TMEM161B: variants seen among roughly 807,000 people sequenced by gnomAD.
The protein encoded by TMEM161B is transmembrane protein 161B.
In TMEM161B, 34 loss-of-function variants were observed where a neutral mutation model predicts 61.8. That is an observed-to-expected ratio of 0.55 (90% confidence interval 0.42 to 0.73). The LOEUF (loss-of-function observed/expected upper bound fraction) is 0.73. Ranked by LOEUF, TMEM161B falls within the 30% of genes least tolerant of loss-of-function variation. TMEM161B has a pLI of 0.00. For synonymous variants in TMEM161B, 167 were observed against 192.8 expected, an observed-to-expected ratio of 0.87 and a Z score of 1.11; for missense variants, 456 against 558.5, an observed-to-expected ratio of 0.82 and a Z score of 1.85.
At chr5:88,251,802 A>G (rs562243492) in intron 1 of TMEM161B, among the ~76,000 whole-genome samples, 184 of 152,186 alleles carry the variant, frequency 1.2e-3, no homozygotes, top group Non-Finnish European at 2.2e-3. Flanking sequence ...ACTAACAAGA[A>G]CATGCTGTCT....
intron 1 of TMEM161B, 123 bp from the exon 2 acceptor site, chr5:88,241,039 A>G: frequency 1.7e-6 from 1 of 585,722 alleles, no homozygotes; most frequent in East Asian, 3.2e-5. Flanking sequence ...ATTAAAATAC[A>G]TTACTCTCAG....
At chr5:88,240,405 T>C (rs1171011015) in intron 2 of TMEM161B, among the ~76,000 whole-genome samples, 1 of 151,770 alleles carries the variant, frequency 6.6e-6, no homozygotes, top group East Asian at 1.9e-4. Context: ...TTAAAGGTAA[T>C]TAGAAAAATA....
At chr5:88,197,971 G>A in intron 10 of TMEM161B, 2 of 411,378 alleles carry the variant, frequency 4.9e-6, no homozygotes, top group Non-Finnish European at 4.4e-6. Flanking sequence ...TAGAACGTGA[G>A]AATATTAAAA....
Position 88,200,968 on chromosome 5 carries a change from C to A in TMEM161B, c.915-1818G>T, listed in dbSNP as rs1256314828. The A allele has an allele frequency of 2.6e-5, 4 of 152,028 alleles. No individual in the cohort carries two copies. In the East Asian group the frequency reaches 7.7e-4, roughly 29 times the overall value. The allele number at this position is 152,028 out of a possible 1,614,324, so 9.4% of individuals were successfully genotyped here. ...CAATTTGTCTGTGACAGAAGAAGAA[C>A]CTGTCACTTTATTTTTCCTTCATCC... On this transcript the variant is annotated intron_variant, in intron 9 of 11. Coordinates refer to ENST00000296595, the MANE Select transcript of TMEM161B (RefSeq NM_153354.5).
At chr5:88,210,976 C>T (rs1252438948) in intron 5 of TMEM161B, among the ~76,000 whole-genome samples, 1 of 152,132 alleles carries the variant, frequency 6.6e-6, no homozygotes, top group African/African-American at 2.4e-5. Flanking sequence ...GTCTCTGTAG[C>T]ATATTCTTCT....
intron 4 of TMEM161B, chr5:88,221,484 G>C (rs1279601232): frequency 7.1e-6 from 2 of 283,656 alleles, no homozygotes; most frequent in East Asian, 1.6e-4. Context: ...GAGTGACAGA[G>C]AGAGACTCCA....
At chr5:88,263,512 A>C (rs1755956524) in intron 1 of TMEM161B, among the ~76,000 whole-genome samples, 2 of 152,232 alleles carry the variant, frequency 1.3e-5, no homozygotes, top group Admixed American at 1.3e-4. Context: ...CATGACTGTA[A>C]GGATTTCTTT....
intron 5 of TMEM161B, among the ~76,000 whole-genome samples, chr5:88,209,402 TAGTATCTTTGGCCAAA>T (rs995426212): frequency 6.6e-5 from 10 of 152,116 alleles, no homozygotes; most frequent in Non-Finnish European, 8.8e-5. Context: ...AAAAACAAAA[TAGTATCTTTGGCCAAA>T]AGTGGTACCA....
At chr5:88,262,263 C>G (rs115466785) in intron 1 of TMEM161B, among the ~76,000 whole-genome samples, 38 of 152,278 alleles carry the variant, frequency 2.5e-4, no homozygotes, top group African/African-American at 9.1e-4. Flanking sequence ...ACTGACAACA[C>G]TGAATGCTGG....
chr5:88,207,287 C>G (rs1745696960), intron 5 of TMEM161B, 107 bp from the exon 6 acceptor site: 2 of 1,084,750 alleles, frequency 1.8e-6, no homozygotes, highest in Non-Finnish European at 2.6e-6. Context: ...ACATTTATTT[C>G]CAAGTGGAGT....
intron 1 of TMEM161B, among the ~76,000 whole-genome samples, chr5:88,243,000 T>C (rs1464869042): frequency 1.3e-5 from 2 of 151,682 alleles, no homozygotes; most frequent in African/African-American, 4.8e-5. Flanking sequence ...AAAGATCAAT[T>C]GCCTAATTTA....
At chr5:88,220,835 G>C in intron 4 of TMEM161B, 116 bp from the exon 5 acceptor site, 1 of 1,278,660 alleles carries the variant, frequency 7.8e-7, no homozygotes, top group African/African-American at 1.6e-5. Flanking sequence ...GACTTTATTT[G>C]TTCATTTGCA....
At chr5:88,210,014 A>G (rs1746389835) in intron 5 of TMEM161B, among the ~76,000 whole-genome samples, 1 of 152,234 alleles carries the variant, frequency 6.6e-6, no homozygotes. Context: ...GTAATCATAT[A>G]CTATCTTAAA....
chr5:88,229,478 T>A (rs1318952847), intron 2 of TMEM161B, among the ~76,000 whole-genome samples: 1 of 100,878 alleles, frequency 9.9e-6, no homozygotes, highest in African/African-American at 4.0e-5. Flanking sequence ...TGAGCTTACC[T>A]CTAGTTATTG....
Position 88,195,333 on chromosome 5 carries a change from T to C in TMEM161B, c.*878A>G. ...TAAAATATTATAAGGATTCAATATT[T>C]TCATCTTTTATAATCTCAATATATT... On this transcript the variant is annotated 3_prime_UTR_variant, in exon 12 of 12. Coordinates refer to ENST00000296595, the MANE Select transcript of TMEM161B (RefSeq NM_153354.5). The C allele has an allele frequency of 1.2e-6, 1 of 813,532 alleles. No homozygotes were observed. The highest frequency in any genetic ancestry group is 1.5e-6 in the Non-Finnish European group (1 of 675,198). 50.4% of individuals were successfully genotyped at this position (813,532 alleles called of 1,614,324 possible). A position where few individuals can be genotyped will look rare whatever the true frequency, so the allele number is the denominator to read the frequency against.
At chr5:88,242,778 T>C (rs1472470016) in intron 1 of TMEM161B, among the ~76,000 whole-genome samples, 2 of 151,718 alleles carry the variant, frequency 1.3e-5, no homozygotes, top group Non-Finnish European at 3.0e-5. Flanking sequence ...CAATTTTTCT[T>C]ATGATGTCAA....
At chr5:88,229,905 A>G (rs1464238866) in intron 2 of TMEM161B, among the ~76,000 whole-genome samples, 2 of 151,758 alleles carry the variant, frequency 1.3e-5, no homozygotes, top group African/African-American at 4.8e-5. Context: ...TGCTGTTTTA[A>G]AAACACGGCA....
rs144993301 is a variant in TMEM161B at position 88,266,194 on chromosome 5, T to C, written c.3+2527A>G. On this transcript the variant is annotated intron_variant, in intron 1 of 11. Transcript: ENST00000296595. ...CTATTGAGTATCGGTATACATAATG[T>C]ATGAGAGAATGAGAGCACAGAATTA... 4.0e-3 allele frequency among the ~76,000 whole-genome samples: 606 copies of C among 152,300 alleles called. 4 individuals carry two copies. Among genetic ancestry groups the C allele is most frequent in the Non-Finnish European group, 6.4e-3 (434 of 68,032 alleles).
At chr5:88,209,086 T>G (rs181236774) in intron 5 of TMEM161B, among the ~76,000 whole-genome samples, 1 of 152,228 alleles carries the variant, frequency 6.6e-6, no homozygotes, top group African/African-American at 2.4e-5. Context: ...ATGTCAGTAC[T>G]GGAAAAGTTT....
Sources: allele counts gnomAD v4.1 joint callset (sites outside exome capture counted in the v4.1 genomes callset), GRCh38; gene constraint gnomAD v4.1.1; transcripts MANE v1.5; gene names NCBI Gene and HGNC (gene_info 2026-07-23, HGNC 2026-07-21).